ADGRL4: variants seen among roughly 807,000 people sequenced by gnomAD.
ADGRL4 encodes the protein adhesion G protein-coupled receptor L4.
A neutral mutation model predicts 74.8 loss-of-function variants in ADGRL4; 90 were observed. That is an observed-to-expected ratio of 1.20 (90% CI 1.02 to 1.43). The LOEUF is 1.43. Ranked by LOEUF, ADGRL4 falls within the 40% of genes most tolerant of loss-of-function variation. ADGRL4 has a pLI of 0.00. For missense variants in ADGRL4, 881 were observed against 814.3 expected, an observed-to-expected ratio of 1.08 and a Z score of -1.00; for synonymous variants, 311 against 279.2, an observed-to-expected ratio of 1.11 and a Z score of -1.14.
At chr1:78,911,799 T>C (rs549676735) in intron 12 of ADGRL4, among the ~76,000 whole-genome samples, 1 of 151,968 alleles carries the variant, frequency 6.6e-6, no homozygotes, top group African/African-American at 2.4e-5. Flanking sequence ...TTTTAATTGT[T>C]AAAAAATAAG....
intron 3 of ADGRL4, among the ~76,000 whole-genome samples, chr1:78,945,451 A>G (rs1649582100): frequency 6.6e-6 from 1 of 151,886 alleles, no homozygotes; most frequent in South Asian, 2.1e-4. Flanking sequence ...TTTAGAAACC[A>G]TGCTTAAGAT....
intron 2 of ADGRL4, among the ~76,000 whole-genome samples, chr1:78,967,189 C>T (rs1181119251): frequency 1.3e-5 from 2 of 152,146 alleles, no homozygotes; most frequent in African/African-American, 4.8e-5. Context: ...CAGATGTCAT[C>T]AAAATGTAAA....
At position 78,957,232 on chromosome 1, in the gene ADGRL4, A is replaced by G. The variant is rs139263184; in HGVS notation, c.173-10806T>C. Among the ~76,000 whole-genome samples the G allele has an allele frequency of 4.0e-3, 603 of 152,216 alleles. 2 individuals are homozygous for G. Among genetic ancestry groups the G allele is most frequent in the Non-Finnish European group, 7.7e-3 (523 of 67,998 alleles). On this transcript the variant is annotated intron_variant, in intron 2 of 14. Transcript: ENST00000370742. ...AATACTAAAATTAGGCCAGTTAATAACCCTACAATGTTCTCTAAGTAAGTG... is the reference window on the plus strand; with the variant it reads ...AATACTAAAATTAGGCCAGTTAATAGCCCTACAATGTTCTCTAAGTAAGTG...
At chr1:78,961,501 A>T (rs923523457) in intron 2 of ADGRL4, among the ~76,000 whole-genome samples, 4 of 152,148 alleles carry the variant, frequency 2.6e-5, no homozygotes, top group Admixed American at 6.5e-5. Context: ...CATGAAAGAC[A>T]GTTTGAACAA....
chr1:78,942,717 C>T (rs992862498), intron 3 of ADGRL4, among the ~76,000 whole-genome samples: 1 of 152,016 alleles, frequency 6.6e-6, no homozygotes, highest in African/African-American at 2.4e-5. Context: ...TCACTTGATT[C>T]CAGGAGTTTG....
At chr1:78,923,267 C>G (rs1397824144) in intron 8 of ADGRL4, among the ~76,000 whole-genome samples, 1 of 152,022 alleles carries the variant, frequency 6.6e-6, no homozygotes, top group African/African-American at 2.4e-5. Context: ...ACACACTGGT[C>G]TCCCATCATG....
At chr1:78,991,942 C>A (rs926418009) in intron 2 of ADGRL4, among the ~76,000 whole-genome samples, 2 of 151,998 alleles carry the variant, frequency 1.3e-5, no homozygotes, top group East Asian at 1.9e-4. Flanking sequence ...ACCAAGGTCA[C>A]AAAATCAATT....
Position 78,979,735 on chromosome 1 carries a change from T to C in ADGRL4, c.172+25335A>G, listed in dbSNP as rs75627947. Reference sequence around the variant, plus strand: ...ACTTAGCCATAAAAAAGAAATGAAATAATGTCTTTTGCAGTGACTTGGATG... The same window carrying C: ...ACTTAGCCATAAAAAAGAAATGAAACAATGTCTTTTGCAGTGACTTGGATG... On this transcript the variant is annotated intron_variant, in intron 2 of 14. Coordinates refer to ENST00000370742, the MANE Select transcript of ADGRL4 (RefSeq NM_022159.4). 3.1e-3 allele frequency among the ~76,000 whole-genome samples: 476 copies of C among 151,940 alleles called. 5 individuals are homozygous for C. The highest frequency in any genetic ancestry group is 0.011 in the African/African-American group (452 of 41,488).
intron 7 of ADGRL4, among the ~76,000 whole-genome samples, chr1:78,932,803 C>A (rs1355921221): frequency 1.3e-5 from 2 of 151,184 alleles, no homozygotes; most frequent in African/African-American, 4.9e-5. Context: ...CATCTTCATG[C>A]AAAAAAACTA....
Position 78,938,119 on chromosome 1 carries a change from AG to A in ADGRL4, c.556del (p.Leu186PhefsTer10). 4 of 1,612,822 alleles carry A rather than the reference AG, an allele frequency of 2.5e-6. No homozygotes were observed. The highest frequency in any genetic ancestry group is 3.4e-6 in the Non-Finnish European group (4 of 1,179,616). ...KNNTISAKDT[L>X]SNSTLTEFVK... ...ACTTACAGTAAGAGTTGAGTTAGAAAGGGTGTCCTTGGCTGAGATAGTGTTG... is the reference window on the plus strand; with the variant it reads ...ACTTACAGTAAGAGTTGAGTTAGAAAGGTGTCCTTGGCTGAGATAGTGTTG... On this transcript the variant is annotated frameshift_variant, in exon 5 of 15. Coordinates refer to ENST00000370742, the MANE Select transcript of ADGRL4 (RefSeq NM_022159.4). LOFTEE classifies it high-confidence loss of function.
intron 12 of ADGRL4, among the ~76,000 whole-genome samples, chr1:78,914,807 C>T (rs948633875): frequency 5.9e-5 from 9 of 151,732 alleles, no homozygotes; most frequent in Admixed American, 4.6e-4. Flanking sequence ...TCTTCTACTG[C>T]TAGGGATCCA....
chr1:78,917,834 T>C lies in ADGRL4; in HGVS notation c.1678A>G (p.Lys560Glu). Residue 560 changes from lysine (K) to glutamate (E), a missense_variant, in exon 11 of 15, where the codon AAA (lysine) becomes GAA (glutamate). Physicochemically the swap from Lys to Glu is moderately conservative, Grantham distance 56 (BLOSUM62 1). Coordinates refer to ENST00000370742, the MANE Select transcript of ADGRL4 (RefSeq NM_022159.4). ...ALGYRYYGTT[K>E]VCWLSTENNF... ...CATGAAATCATTTTAACTTACACTT[T>C]GGTTGTGCCATAATATCTGTATCCT... 5.0e-6 allele frequency: 8 copies of C among 1,612,118 alleles called. No homozygotes were observed. The highest frequency in any genetic ancestry group is 1.1e-5 in the South Asian group (1 of 91,012).
At chr1:78,894,633 C>A (rs1648356057) in intron 12 of ADGRL4, among the ~76,000 whole-genome samples, 1 of 151,676 alleles carries the variant, frequency 6.6e-6, no homozygotes, top group Admixed American at 6.6e-5. Flanking sequence ...AATTTGGAAA[C>A]AACTGTATTT....
At chr1:78,896,672 T>G (rs1269087641) in intron 12 of ADGRL4, among the ~76,000 whole-genome samples, 1 of 152,124 alleles carries the variant, frequency 6.6e-6, no homozygotes, top group Non-Finnish European at 1.5e-5. Context: ...TCTGCCATCC[T>G]TATCTTCCTA....
At position 79,005,436 on chromosome 1, in the gene ADGRL4, C is replaced by A. The variant is rs77838038; in HGVS notation, c.23-217G>T. Among the ~76,000 whole-genome samples the A allele has an allele frequency of 9.5e-4, 145 of 152,230 alleles. 1 individual carries two copies. Among genetic ancestry groups the A allele is most frequent in the Middle Eastern group, 6.8e-3 (2 of 294 alleles). ...AAGGCTTTTTTTGTTCCAATTTCAACCTTTATCAAGTAAATCTCAATGAAA... is the reference window on the plus strand; with the variant it reads ...AAGGCTTTTTTTGTTCCAATTTCAAACTTTATCAAGTAAATCTCAATGAAA... On this transcript the variant is annotated intron_variant, in intron 1 of 14. Coordinates refer to ENST00000370742, the MANE Select transcript of ADGRL4 (RefSeq NM_022159.4).
At chr1:78,933,044 T>C (rs1433085955) in intron 7 of ADGRL4, among the ~76,000 whole-genome samples, 3 of 151,336 alleles carry the variant, frequency 2.0e-5, no homozygotes, top group Admixed American at 2.0e-4. Context: ...TTCCAAAAAA[T>C]TGAGGAGGAG....
At chr1:78,964,045 T>G (rs113506147) in intron 2 of ADGRL4, among the ~76,000 whole-genome samples, 4,279 of 152,298 alleles carry the variant, frequency 0.028, 82 homozygotes, top group South Asian at 0.052. Flanking sequence ...GTGAAGACGA[T>G]TTAACTAACA....
intron 3 of ADGRL4, among the ~76,000 whole-genome samples, chr1:78,944,089 A>G (rs1467906046): frequency 1.3e-5 from 2 of 152,166 alleles, no homozygotes; most frequent in East Asian, 3.8e-4. Flanking sequence ...TTTTCTCTGT[A>G]TTTATGATTC....
intron 2 of ADGRL4, among the ~76,000 whole-genome samples, chr1:78,996,338 C>CAGCTAACAT (rs1650713736): frequency 6.6e-6 from 1 of 151,478 alleles, no homozygotes; most frequent in Non-Finnish European, 1.5e-5. Flanking sequence ...GATGTTAAGT[C>CAGCTAACAT]AGCTAATATA....
Sources: gnomAD v4.1 joint callset for allele counts (sites outside exome capture counted in the v4.1 genomes callset) on GRCh38, gnomAD v4.1.1 for gene constraint, MANE v1.5 for transcripts, NCBI Gene and HGNC (gene_info 2026-07-23, HGNC 2026-07-21) for gene names.